MED13L: variants seen among roughly 807,000 people sequenced by gnomAD.
The protein encoded by MED13L is mediator of RNA polymerase II transcription subunit 13-like.
In MED13L, 7 loss-of-function variants were observed where a neutral mutation model predicts 220.9. That is an observed-to-expected ratio of 0.03 (90% CI 0.02 to 0.06). The LOEUF (loss-of-function observed/expected upper bound fraction) is 0.06, where lower values mean the gene tolerates loss of function less well. Ranked by LOEUF, MED13L falls within the 10% of genes least tolerant of loss-of-function variation. The pLI is 1.00. For missense variants in MED13L, 1,965 were observed against 2,760.5 expected, an observed-to-expected ratio of 0.71 and a Z score of 6.46; for synonymous variants, 1,011 against 1,015.2, an observed-to-expected ratio of 1.00 and a Z score of 0.08.
chr12:116,034,282 T>A (rs1388254726), intron 4 of MED13L, among the ~76,000 whole-genome samples: 1 of 152,104 alleles, frequency 6.6e-6, no homozygotes, highest in East Asian at 1.9e-4. Context: ...TTGCCATAGG[T>A]AGATGCTACA....
In MED13L at chr12:116,249,734, CAAAAAAAA is replaced by C. The variant is rs58809334; in HGVS notation, c.73-12037_73-12030del. On this transcript the variant is annotated intron_variant, in intron 1 of 30. Coordinates refer to ENST00000281928, the MANE Select transcript of MED13L (RefSeq NM_015335.5). Reference sequence around the variant, plus strand: ...TTTAACAGCAGATTAAGTACCTACCCAAAAAAAAAAAAAAAAAAAAAAAAAAGTCAGGG... The same window carrying C: ...TTTAACAGCAGATTAAGTACCTACCCAAAAAAAAAAAAAAAAAAGTCAGGG... Among the ~76,000 whole-genome samples, 46 of 19,614 alleles carry C rather than the reference CAAAAAAAA, an allele frequency of 2.3e-3. 1 individual carries two copies. Among genetic ancestry groups the C allele is most frequent in the African/African-American group, 4.8e-3 (21 of 4,376 alleles). 12.9% of individuals were successfully genotyped at this position (19,614 alleles called of 152,430 possible).
intron 2 of MED13L, among the ~76,000 whole-genome samples, chr12:116,161,841 C>A (rs769005559): frequency 3.9e-5 from 6 of 152,106 alleles, no homozygotes; most frequent in Non-Finnish European, 8.8e-5. Flanking sequence ...CCTAACCACT[C>A]CCCTCATCAA....
At chr12:116,130,229 T>C (rs115735632) in intron 2 of MED13L, among the ~76,000 whole-genome samples, 31 of 152,296 alleles carry the variant, frequency 2.0e-4, no homozygotes, top group African/African-American at 7.2e-4. Flanking sequence ...TGGAATAACA[T>C]AAAAATGTTT....
At chr12:115,974,854 TAAAAC>T (rs2137240471) in intron 25 of MED13L, among the ~76,000 whole-genome samples, 1 of 152,328 alleles carries the variant, frequency 6.6e-6, no homozygotes, top group African/African-American at 2.4e-5. Flanking sequence ...ATTTTTGTCT[TAAAAC>T]TGACTAGTTC....
chr12:116,204,846 A>G (rs969989401), intron 2 of MED13L, among the ~76,000 whole-genome samples: 1 of 152,222 alleles, frequency 6.6e-6, no homozygotes, highest in African/African-American at 2.4e-5. Context: ...AGTTTTCAGA[A>G]TTGGCAAAGA....
intron 5 of MED13L, among the ~76,000 whole-genome samples, chr12:116,020,594 T>G (rs1880003741): frequency 6.6e-6 from 1 of 152,228 alleles, no homozygotes; most frequent in Non-Finnish European, 1.5e-5. Context: ...GTTTTGACTG[T>G]TTTAGAGGTC....
At chr12:116,026,937 G>A (rs1880427273) in intron 4 of MED13L, among the ~76,000 whole-genome samples, 1 of 151,944 alleles carries the variant, frequency 6.6e-6, no homozygotes, top group African/African-American at 2.4e-5. Context: ...CCATGTAAAA[G>A]GAAATGATCA....
At chr12:116,061,305 T>C (rs574434385) in intron 4 of MED13L, among the ~76,000 whole-genome samples, 2 of 152,298 alleles carry the variant, frequency 1.3e-5, no homozygotes, top group African/African-American at 2.4e-5. Flanking sequence ...TTTTTAAATA[T>C]AGAGTAGTTA....
chr12:116,209,376 T>C (rs2056033442), intron 2 of MED13L, among the ~76,000 whole-genome samples: 1 of 152,230 alleles, frequency 6.6e-6, no homozygotes, highest in African/African-American at 2.4e-5. Context: ...AAGGCCATGA[T>C]GAGGAAATAT....
chr12:115,997,831 T>C (rs1878502947), intron 14 of MED13L, among the ~76,000 whole-genome samples: 1 of 152,224 alleles, frequency 6.6e-6, no homozygotes, highest in Non-Finnish European at 1.5e-5. Context: ...ACTGATTCCC[T>C]GAAAAGTCTA....
chr12:116,226,180 C>CA (rs1365116446), intron 2 of MED13L, among the ~76,000 whole-genome samples: 2 of 147,760 alleles, frequency 1.4e-5, no homozygotes, highest in South Asian at 2.1e-4. Flanking sequence ...TATCACAGCA[C>CA]AAAAAAAAGA....
chr12:116,124,904 G>A (rs1875445768), intron 2 of MED13L, among the ~76,000 whole-genome samples: 1 of 151,908 alleles, frequency 6.6e-6, no homozygotes, highest in Admixed American at 6.6e-5. Flanking sequence ...TAGTTGACAG[G>A]AAAAAAATAT....
chr12:116,276,928 G>A, intron 1 of MED13L, 132 bp downstream of exon 1: 2 of 1,077,840 alleles, frequency 1.9e-6, no homozygotes, highest in Non-Finnish European at 2.7e-6. Context: ...GAATCGGCGA[G>A]AGGCGAACGG....
chr12:115,960,845 C>A lies in MED13L; in HGVS notation c.*421G>T, dbSNP rs1875710839. 1 of 253,462 alleles carries A rather than the reference C, an allele frequency of 3.9e-6. No homozygotes were observed. Among genetic ancestry groups the A allele is most frequent in the Non-Finnish European group, 7.9e-6 (1 of 127,384 alleles). The allele number at this position is 253,462 out of a possible 1,614,324, so 15.7% of individuals were successfully genotyped here. ...CAGATTATGGAGTTCAGGTAACCCACAGGCCATACACCAGTAACTAAGAGG... is the reference window on the plus strand; with the variant it reads ...CAGATTATGGAGTTCAGGTAACCCAAAGGCCATACACCAGTAACTAAGAGG... On this transcript the variant is annotated 3_prime_UTR_variant, in exon 31 of 31. Coordinates refer to ENST00000281928, the MANE Select transcript of MED13L (RefSeq NM_015335.5).
At chr12:116,188,301 A>C (rs1179560382) in intron 2 of MED13L, among the ~76,000 whole-genome samples, 1 of 151,870 alleles carries the variant, frequency 6.6e-6, no homozygotes, top group Admixed American at 6.6e-5. Flanking sequence ...AAGTACAGGG[A>C]AAGAAATCTA....
rs377691069 is a variant in MED13L at position 116,155,622 on chromosome 12, G to A, written c.311-44110C>T. Among the ~76,000 whole-genome samples the A allele has an allele frequency of 1.2e-4, 18 of 152,070 alleles. No homozygotes were observed. The East Asian group carries it at 1.5e-3, about 13-fold the overall frequency. ...TACCTTTTGATCCAAGCCTATTAGCGCTGTGGGCAGTGCTAGAGTTCATTT... is the reference window on the plus strand; with the variant it reads ...TACCTTTTGATCCAAGCCTATTAGCACTGTGGGCAGTGCTAGAGTTCATTT... On this transcript the variant is annotated intron_variant, in intron 2 of 30. Transcript: ENST00000281928.
At chr12:116,213,921 A>T (rs1882852445) in intron 2 of MED13L, among the ~76,000 whole-genome samples, 1 of 152,226 alleles carries the variant, frequency 6.6e-6, no homozygotes, top group South Asian at 2.1e-4. Flanking sequence ...CCCAGAATTT[A>T]AAGTTCGTAC....
At chr12:116,180,373 A>G (rs914800932) in intron 2 of MED13L, among the ~76,000 whole-genome samples, 1 of 152,186 alleles carries the variant, frequency 6.6e-6, no homozygotes, top group Admixed American at 6.5e-5. Context: ...AGTAGTCAAA[A>G]CTGTTTCATG....
chr12:116,096,954 T>TA (rs1196298184), intron 3 of MED13L, among the ~76,000 whole-genome samples: 3 of 152,132 alleles, frequency 2.0e-5, no homozygotes, highest in Admixed American at 1.3e-4. Flanking sequence ...TATGCCCACG[T>TA]AAAAAAGAAA....
Sources: gnomAD v4.1 joint callset for allele counts (sites outside exome capture counted in the v4.1 genomes callset) on GRCh38, gnomAD v4.1.1 for gene constraint, MANE v1.5 for transcripts, NCBI Gene and HGNC (gene_info 2026-07-23, HGNC 2026-07-21) for gene names.